Variants in STAMBPL1 observed in about 807,000 individuals in gnomAD.
STAMBPL1 encodes AMSH-like protease.
STAMBPL1 carries 44 observed loss-of-function variants against 52.9 expected under a neutral mutation model. That is an observed-to-expected ratio of 0.83 (90% confidence interval 0.65 to 1.07). STAMBPL1 has a LOEUF of 1.07. Ranked by LOEUF, STAMBPL1 falls within the 50% of genes least tolerant of loss-of-function variation. The pLI is 0.00. For missense variants in STAMBPL1, 511 were observed against 520.8 expected, an observed-to-expected ratio of 0.98 and a Z score of 0.18; for synonymous variants, 164 against 177.3, an observed-to-expected ratio of 0.92 and a Z score of 0.60.
At chr10:88,915,739 T>C (rs989945191) in intron 7 of STAMBPL1, among the ~76,000 whole-genome samples, 1 of 152,194 alleles carries the variant, frequency 6.6e-6, no homozygotes, top group Admixed American at 6.5e-5. Context: ...CTAAGTGCTG[T>C]CTGTGCAAGT....
intron 1 of STAMBPL1, among the ~76,000 whole-genome samples, chr10:88,888,320 GC>G (rs1844590250): frequency 6.6e-6 from 1 of 152,162 alleles, no homozygotes; most frequent in African/African-American, 2.4e-5. Context: ...CAGTTTTTGA[GC>G]CGGGGACTAA....
At position 88,916,778 on chromosome 10, in the gene STAMBPL1, T is replaced by C. The variant is rs939389969; in HGVS notation, c.1002T>C (p.Val334=). 1.2e-5 allele frequency: 19 copies of C among 1,609,642 alleles called. No homozygotes were observed. The highest frequency in any genetic ancestry group is 1.5e-5 in the Non-Finnish European group (18 of 1,178,090). Residue 334 remains valine, a synonymous_variant, in exon 8 of 11, where the codon GTT becomes GTC. Transcript: ENST00000371926. The part of the protein sequence containing the change: ...DMENVEELFN[V]QDQHDLLTLG... ...AGAATGTAGAGGAATTATTCAATGT[T>C]CAGGATCAACATGATCTCCTCACTC...
At chr10:88,908,624 A>G in intron 3 of STAMBPL1, 78 bp from the exon 4 acceptor site, 1 of 1,179,374 alleles carries the variant, frequency 8.5e-7, no homozygotes, top group South Asian at 1.4e-5. Flanking sequence ...TTGAAAAAGG[A>G]TCCTCATTCC....
intron 8 of STAMBPL1, among the ~76,000 whole-genome samples, chr10:88,919,924 C>G (rs1272347319): frequency 6.6e-6 from 1 of 151,986 alleles, no homozygotes; most frequent in Non-Finnish European, 1.5e-5. Flanking sequence ...CAGCCTCAAC[C>G]TCCCTGGCTC....
At chr10:88,909,920 G>A (rs1405484478) in intron 4 of STAMBPL1, among the ~76,000 whole-genome samples, 2 of 152,058 alleles carry the variant, frequency 1.3e-5, no homozygotes, top group Non-Finnish European at 2.9e-5. Context: ...AATGTCTACA[G>A]TCACTTACCT....
chr10:88,902,399 C>T (rs1342468284), intron 2 of STAMBPL1, among the ~76,000 whole-genome samples: 2 of 152,220 alleles, frequency 1.3e-5, no homozygotes, highest in East Asian at 3.9e-4. Flanking sequence ...TGGAAACTGT[C>T]ATTCCCATTT....
intron 1 of STAMBPL1, among the ~76,000 whole-genome samples, chr10:88,894,830 A>G (rs537492970): frequency 1.1e-4 from 17 of 152,322 alleles, no homozygotes; most frequent in African/African-American, 3.8e-4. Context: ...GTTTCCTTCA[A>G]AAATATTTAA....
At chr10:88,888,123 T>G (rs1214050277) in intron 1 of STAMBPL1, among the ~76,000 whole-genome samples, 1 of 152,182 alleles carries the variant, frequency 6.6e-6, no homozygotes, top group Non-Finnish European at 1.5e-5. Flanking sequence ...TTTTTAGAGA[T>G]AATGTACATT....
chr10:88,888,348 G>A (rs1844591167), intron 1 of STAMBPL1, among the ~76,000 whole-genome samples: 1 of 152,244 alleles, frequency 6.6e-6, no homozygotes, highest in Admixed American at 6.5e-5. Context: ...GCAAACAAGT[G>A]TACACCTGAG....
intron 7 of STAMBPL1, 40 bp downstream of exon 7, chr10:88,914,698 G>GAT: frequency 1.4e-6 from 1 of 729,144 alleles, no homozygotes; most frequent in Non-Finnish European, 1.8e-6. Context: ...ATATATATCT[G>GAT]CATAGGATAC....
At chr10:88,911,111 T>A in intron 5 of STAMBPL1, 100 bp downstream of exon 5, 1 of 800,514 alleles carries the variant, frequency 1.2e-6, no homozygotes, top group Non-Finnish European at 1.8e-6. Flanking sequence ...TTTGTGCATT[T>A]AAATTAAAAA....
chr10:88,909,510 A>G (rs956627562), intron 4 of STAMBPL1, among the ~76,000 whole-genome samples: 10 of 152,230 alleles, frequency 6.6e-5, no homozygotes, highest in Non-Finnish European at 1.2e-4. Context: ...CACTTTACCA[A>G]ATAATGAAAT....
chr10:88,904,992 G>A (rs1054879440), intron 2 of STAMBPL1, among the ~76,000 whole-genome samples: 5 of 151,912 alleles, frequency 3.3e-5, no homozygotes, highest in African/African-American at 1.2e-4. Context: ...GAATAGAATT[G>A]AATCTTTATA....
intron 2 of STAMBPL1, among the ~76,000 whole-genome samples, chr10:88,904,858 A>G (rs371599462): frequency 3.9e-5 from 6 of 152,056 alleles, no homozygotes; most frequent in African/African-American, 1.2e-4. Flanking sequence ...GTTAAAAAAA[A>G]TGGGAGGGGC....
At chr10:88,888,391 A>C (rs1844592197) in intron 1 of STAMBPL1, among the ~76,000 whole-genome samples, 1 of 152,174 alleles carries the variant, frequency 6.6e-6, no homozygotes, top group African/African-American at 2.4e-5. Flanking sequence ...CCAGAAACAG[A>C]GGATCAAGGA....
intron 1 of STAMBPL1, among the ~76,000 whole-genome samples, chr10:88,890,805 A>G (rs543275369): frequency 6.6e-6 from 1 of 152,324 alleles, no homozygotes; most frequent in East Asian, 1.9e-4. Flanking sequence ...AATCTTTCCC[A>G]ATAACTGTTT....
chr10:88,895,236 C>G (rs1255215350), intron 1 of STAMBPL1, among the ~76,000 whole-genome samples: 3 of 152,166 alleles, frequency 2.0e-5, no homozygotes, highest in African/African-American at 7.2e-5. Context: ...TAGGATGTCT[C>G]TTTGTATTAG....
chr10:88,905,682 G>A (rs761888743), intron 3 of STAMBPL1, 22 bp downstream of exon 3: 1 of 1,581,578 alleles, frequency 6.3e-7, no homozygotes, highest in Admixed American at 1.8e-5. Flanking sequence ...AAAGGCCTCT[G>A]AAGTGAGAAA....
rs758258635 is a variant in STAMBPL1 at position 88,905,495 on chromosome 10, A to T, written c.83A>T (p.Glu28Val). Residue 28 changes from glutamate to valine, a missense_variant, in exon 3 of 11, where the codon GAG becomes GTG. By Grantham distance (121) the Glu-to-Val change is moderately radical. Coordinates refer to ENST00000371926, the MANE Select transcript of STAMBPL1 (RefSeq NM_020799.4). ...ACAGATGTTTCCCTAAGCCCAGAAG[A>T]GCGAGTCCGTGCCCTAAGCAAGCTT... The part of the protein sequence containing the change: ...DHTDVSLSPE[E>V]RVRALSKLGC... The T allele has an allele frequency of 2.5e-6, 4 of 1,614,144 alleles. No individual in the cohort carries two copies. The Admixed American group carries it at 6.7e-5, about 27-fold the overall frequency.
Sources: allele counts gnomAD v4.1 joint callset (sites outside exome capture counted in the v4.1 genomes callset), GRCh38; gene constraint gnomAD v4.1.1; transcripts MANE v1.5; gene names NCBI Gene and HGNC (gene_info 2026-07-23, HGNC 2026-07-21).